STAC: variants seen among roughly 807,000 people sequenced by gnomAD.
STAC encodes the protein SH3 and cysteine rich domain.
STAC carries 43 observed loss-of-function variants against 48.8 expected under a neutral mutation model. The observed-to-expected ratio is 0.88, with a 90% CI of 0.69 to 1.14. The LOEUF (loss-of-function observed/expected upper bound fraction) is 1.14, where lower values mean the gene tolerates loss of function less well. Among genes scored for constraint, STAC ranks in the 50% most tolerant of loss-of-function variants. The probability of loss-of-function intolerance (pLI) is 0.00; values close to 1 mark genes in which losing one functional copy is unlikely to be tolerated. For synonymous variants in STAC, 193 were observed against 179.5 expected, an observed-to-expected ratio of 1.07 and a Z score of -0.60; for missense variants, 497 against 504.0, an observed-to-expected ratio of 0.99 and a Z score of 0.13.
chr3:36,525,303 A>G (rs534544683), intron 8 of STAC, among the ~76,000 whole-genome samples: 2 of 152,332 alleles, frequency 1.3e-5, no homozygotes, highest in African/African-American at 4.8e-5. Flanking sequence ...CTTTTTTAGG[A>G]AAGGACAGAA....
At chr3:36,412,736 CTA>C (rs1222215979) in intron 1 of STAC, among the ~76,000 whole-genome samples, 1 of 152,124 alleles carries the variant, frequency 6.6e-6, no homozygotes, top group African/African-American at 2.4e-5. Context: ...TTTCAGGGCT[CTA>C]TGTTTGATTC....
Position 36,388,757 on chromosome 3 carries a change from G to A in STAC, c.111+8003G>A, listed in dbSNP as rs143935837. Among the ~76,000 whole-genome samples, 271 of 151,800 alleles carry A rather than the reference G, an allele frequency of 1.8e-3. 1 individual carries two copies. Among genetic ancestry groups the A allele is most frequent in the Admixed American group, 9.6e-3 (146 of 15,246 alleles). ...TTTTTTCACTGATTTGAAATTTTACGTTTTTTATGTAATAAATGGTAATAT... is the reference window on the plus strand; with the variant it reads ...TTTTTTCACTGATTTGAAATTTTACATTTTTTATGTAATAAATGGTAATAT... On this transcript the variant is annotated intron_variant, in intron 1 of 10. Coordinates refer to ENST00000273183, the MANE Select transcript of STAC (RefSeq NM_003149.3).
chr3:36,432,702 C>CA (rs369547121), intron 1 of STAC, among the ~76,000 whole-genome samples: 3,133 of 107,442 alleles, frequency 0.029, 53 homozygotes, highest in Middle Eastern at 0.071. Flanking sequence ...GACTCCGTCT[C>CA]AAAAAAAAAA....
intron 1 of STAC, among the ~76,000 whole-genome samples, chr3:36,398,378 G>GAAAAGAA (rs1559477090): frequency 2.1e-5 from 2 of 96,676 alleles, no homozygotes; most frequent in African/African-American, 7.8e-5. Flanking sequence ...AAAAGAAAGA[G>GAAAAGAA]AGAAAGAAAG....
intron 1 of STAC, among the ~76,000 whole-genome samples, chr3:36,389,356 G>A (rs1699702736): frequency 2.0e-5 from 3 of 152,104 alleles, no homozygotes; most frequent in Admixed American, 2.0e-4. Context: ...TCTCATGGTG[G>A]AAGGGGCAAG....
At chr3:36,407,525 A>T (rs1423856419) in intron 1 of STAC, among the ~76,000 whole-genome samples, 1 of 152,250 alleles carries the variant, frequency 6.6e-6, no homozygotes, top group East Asian at 1.9e-4. Context: ...GGCCAGCCCC[A>T]GAAGATTGTC....
intron 2 of STAC, among the ~76,000 whole-genome samples, chr3:36,462,227 A>G (rs570400239): frequency 2.6e-5 from 4 of 152,234 alleles, no homozygotes; most frequent in South Asian, 2.1e-4. Context: ...ATCAACTTAG[A>G]TAGGGAAACT....
chr3:36,382,784 T>A (rs1295613774), intron 1 of STAC, among the ~76,000 whole-genome samples: 1 of 152,186 alleles, frequency 6.6e-6, no homozygotes, highest in Non-Finnish European at 1.5e-5. Context: ...ATTCATTCTA[T>A]TCTAGGAAGG....
At chr3:36,439,748 C>T (rs1340917648) in intron 1 of STAC, among the ~76,000 whole-genome samples, 1 of 152,172 alleles carries the variant, frequency 6.6e-6, no homozygotes, top group African/African-American at 2.4e-5. Flanking sequence ...CAGGTCCTCA[C>T]CTCAAAGTGG....
chr3:36,529,659 T>G (rs1223485362), intron 10 of STAC, among the ~76,000 whole-genome samples: 1 of 152,140 alleles, frequency 6.6e-6, no homozygotes, highest in Admixed American at 6.5e-5. Context: ...ATCTCATGGC[T>G]GGAATGTTGA....
At chr3:36,425,509 A>G (rs1175546492) in intron 1 of STAC, among the ~76,000 whole-genome samples, 1 of 152,242 alleles carries the variant, frequency 6.6e-6, no homozygotes, top group East Asian at 1.9e-4. Context: ...ATCCTGGACC[A>G]GAAAAGGATA....
intron 10 of STAC, among the ~76,000 whole-genome samples, chr3:36,533,493 T>C (rs1424122523): frequency 6.7e-6 from 1 of 150,048 alleles, no homozygotes; most frequent in South Asian, 2.1e-4. Flanking sequence ...TTTTTTTTTT[T>C]TTTTTTTTTC....
intron 8 of STAC, among the ~76,000 whole-genome samples, chr3:36,519,038 A>C (rs1169991994): frequency 6.6e-6 from 1 of 152,160 alleles, no homozygotes; most frequent in Admixed American, 6.5e-5. Flanking sequence ...GGATTCCAGA[A>C]GGAAGAGGGG....
rs3061960 is a variant in STAC, at chr3:36,447,649, C to CCACACACACACACACA, written c.388+4030_388+4045dup. ...GAAAAACTATATATATGTATACACA[C>CCACACACACACACACA]CACACACACACACACACACACACAC... is the stretch of plus-strand genomic sequence containing the variant. On this transcript the variant is annotated intron_variant, in intron 2 of 10. Transcript: ENST00000273183. 4.1e-5 allele frequency among the ~76,000 whole-genome samples: 6 copies of CCACACACACACACACA among 146,416 alleles called. 1 individual carries two copies. Among genetic ancestry groups the CCACACACACACACACA allele is most frequent in the South Asian group, 4.5e-4 (2 of 4,488 alleles).
At chr3:36,461,457 A>G (rs1697014769) in intron 2 of STAC, among the ~76,000 whole-genome samples, 1 of 152,270 alleles carries the variant, frequency 6.6e-6, no homozygotes, top group East Asian at 1.9e-4. Context: ...CAAAGAGTTG[A>G]CATTTTAACT....
chr3:36,442,928 A>G (rs1453451773), intron 1 of STAC, among the ~76,000 whole-genome samples: 1 of 152,190 alleles, frequency 6.6e-6, no homozygotes, highest in African/African-American at 2.4e-5. Context: ...CTGTGTGCAG[A>G]GACAAGTGGC....
At chr3:36,515,182 T>C (rs1698641023) in intron 8 of STAC, among the ~76,000 whole-genome samples, 1 of 152,026 alleles carries the variant, frequency 6.6e-6, no homozygotes, top group South Asian at 2.1e-4. Flanking sequence ...CAAGAAGAAA[T>C]TGTAAAGGGG....
intron 8 of STAC, among the ~76,000 whole-genome samples, chr3:36,526,052 T>G (rs957894329): frequency 2.0e-5 from 3 of 151,978 alleles, no homozygotes; most frequent in Admixed American, 6.6e-5. Flanking sequence ...GAACCAGAAA[T>G]CTTGGGAATT....
At chr3:36,471,784 C>A (rs923498355) in intron 2 of STAC, among the ~76,000 whole-genome samples, 1 of 152,220 alleles carries the variant, frequency 6.6e-6, no homozygotes, top group Admixed American at 6.5e-5. Flanking sequence ...GGCAGCTCTG[C>A]CCCTGTGGGT....
Sources: gnomAD v4.1 joint callset for allele counts (sites outside exome capture counted in the v4.1 genomes callset) on GRCh38, gnomAD v4.1.1 for gene constraint, MANE v1.5 for transcripts, NCBI Gene and HGNC (gene_info 2026-07-23, HGNC 2026-07-21) for gene names.